The following IQCE variants were observed in gnomAD, a reference collection of about 807,000 sequenced individuals.
The protein encoded by IQCE is IQ motif containing E.
In IQCE, 115 loss-of-function variants were observed where a neutral mutation model predicts 96.0. The ratio of observed to expected loss-of-function variants is 1.20; its 90% confidence interval spans 1.03 to 1.40. IQCE has a LOEUF of 1.40. Ranked by LOEUF, IQCE falls within the 40% of genes most tolerant of loss-of-function variation. IQCE has a pLI of 0.00. For synonymous variants in IQCE, 412 were observed against 371.2 expected (o/e 1.11, Z -1.26); for missense variants, 1,041 against 909.1 (o/e 1.15, Z -1.87).
intron 18 of IQCE, among the ~76,000 whole-genome samples, chr7:2,602,197 G>A (rs1784480931): frequency 6.6e-6 from 1 of 152,210 alleles, no homozygotes; most frequent in African/African-American, 2.4e-5. Context: ...TCACTGGACC[G>A]GGAAGTGAGG....
At chr7:2,575,022 C>A (rs1171300984) in intron 6 of IQCE, among the ~76,000 whole-genome samples, 1 of 152,238 alleles carries the variant, frequency 6.6e-6, no homozygotes, top group Non-Finnish European at 1.5e-5. Context: ...ATCTTTGTGG[C>A]GGCTGCCCTA....
chr7:2,580,323 C>CGA (rs1333515704), intron 8 of IQCE: 1 of 151,410 alleles, frequency 6.6e-6, no homozygotes, highest in Non-Finnish European at 1.5e-5. Context: ...TTAAAAGTGT[C>CGA]TATCTGCCGG....
rs1463533240 is a variant in IQCE at position 2,612,354 on chromosome 7, G to C, written c.*2192G>C. ...CCAGTGCTGGTCACCAGTCCCCTTTGCTGGGTACAGCCTGCCTGGCTGTTC... is the reference window on the plus strand; with the variant it reads ...CCAGTGCTGGTCACCAGTCCCCTTTCCTGGGTACAGCCTGCCTGGCTGTTC... On this transcript the variant is annotated 3_prime_UTR_variant, in exon 22 of 22. Coordinates refer to ENST00000402050, the MANE Select transcript of IQCE (RefSeq NM_152558.5). 2.0e-5 allele frequency: 3 copies of C among 152,388 alleles called. No individual in the cohort carries two copies. Among genetic ancestry groups the C allele is most frequent in the Non-Finnish European group, 2.9e-5 (2 of 68,154 alleles). 9.4% of individuals were successfully genotyped at this position (152,388 alleles called of 1,614,324 possible). A position where few individuals can be genotyped will look rare whatever the true frequency, so the allele number is the denominator to read the frequency against.
chr7:2,571,341 T>C, intron 3 of IQCE, 185 bp from the exon 4 acceptor site: 1 of 681,848 alleles, frequency 1.5e-6, no homozygotes, highest in Non-Finnish European at 2.5e-6. Context: ...TTCTTTATAA[T>C]AAAAGTTAAA....
At chr7:2,563,948 G>A (rs374109459) in intron 1 of IQCE, among the ~76,000 whole-genome samples, 14 of 147,082 alleles carry the variant, frequency 9.5e-5, no homozygotes, top group African/African-American at 3.3e-4. Context: ...AGTGGTTCAC[G>A]CCTGTAATCC....
chr7:2,602,834 G>C (rs1282129068), intron 18 of IQCE, among the ~76,000 whole-genome samples: 1 of 152,216 alleles, frequency 6.6e-6, no homozygotes, highest in Non-Finnish European at 1.5e-5. Flanking sequence ...GGGTGTGGGC[G>C]GCACACCAGG....
chr7:2,597,117 A>G (rs1228015111), intron 16 of IQCE: 1 of 470,414 alleles, frequency 2.1e-6, no homozygotes, highest in Non-Finnish European at 4.4e-6. Context: ...CTTTATCATG[A>G]GAAGGAGAGG....
chr7:2,571,612 TC>T lies in IQCE; in HGVS notation c.220del (p.Leu74Ter). 1 of 1,601,450 alleles carries T rather than the reference TC, an allele frequency of 6.2e-7. No individual in the cohort carries two copies. Reference sequence around the variant, plus strand: ...GAGCATGCCTCTGGGCGGCCGAGCGTCCCTGACCCCGCAGAAGCTGTGGCTG... The same window carrying T: ...GAGCATGCCTCTGGGCGGCCGAGCGTCCTGACCCCGCAGAAGCTGTGGCTG... ...AGSMPLGGRA[S>X]LTPQKLWLGT... is the part of the protein sequence containing the mutation. On this transcript the variant is annotated frameshift_variant, in exon 4 of 22. Coordinates refer to ENST00000402050, the MANE Select transcript of IQCE (RefSeq NM_152558.5). LOFTEE classifies it high-confidence loss of function.
chr7:2,609,398 G>A (rs540402308), intron 21 of IQCE, among the ~76,000 whole-genome samples: 159 of 149,694 alleles, frequency 1.1e-3, no homozygotes, highest in African/African-American at 3.7e-3. Flanking sequence ...CTCCCACCTC[G>A]GCCTCCAGAG....
chr7:2,597,303 T>C (rs1562669700), intron 16 of IQCE, among the ~76,000 whole-genome samples: 1 of 152,250 alleles, frequency 6.6e-6, no homozygotes. Flanking sequence ...ATTCTGAGTA[T>C]GGGCACCAGA....
intron 9 of IQCE, among the ~76,000 whole-genome samples, chr7:2,583,182 A>G (rs1325761231): frequency 6.6e-6 from 1 of 152,190 alleles, no homozygotes; most frequent in Non-Finnish European, 1.5e-5. Context: ...TCGTTTCTCT[A>G]TCGATGTGTC....
intron 1 of IQCE, among the ~76,000 whole-genome samples, chr7:2,564,144 G>A (rs1477136853): frequency 2.6e-5 from 4 of 151,976 alleles, no homozygotes; most frequent in South Asian, 4.1e-4. Context: ...GCTGGGAGGC[G>A]GAGGTTGTGG....
chr7:2,606,628 G>A (rs1025046008), intron 20 of IQCE, among the ~76,000 whole-genome samples: 24 of 151,606 alleles, frequency 1.6e-4, no homozygotes, highest in Non-Finnish European at 1.3e-4. Context: ...GGAGCCGCGC[G>A]GCCACCCAGC....
At chr7:2,580,636 T>C (rs572800241) in intron 8 of IQCE, among the ~76,000 whole-genome samples, 12 of 151,346 alleles carry the variant, frequency 7.9e-5, no homozygotes, top group African/African-American at 2.2e-4. Flanking sequence ...TGTCTATCAA[T>C]AGAGGCTGGA....
At position 2,610,648 on chromosome 7, in the gene IQCE, C is replaced by G. The variant is rs200867613; in HGVS notation, c.*486C>G. On this transcript the variant is annotated 3_prime_UTR_variant, in exon 22 of 22. Transcript: ENST00000402050. ...GCTGTGCCTTAGGAAGGTGTGAGAC[C>G]GGCTTCCCCCATCCCCACAGCAAAA... The G allele has an allele frequency of 6.2e-6, 1 of 160,484 alleles. No individual in the cohort carries two copies. The highest frequency in any genetic ancestry group is 1.4e-5 in the Non-Finnish European group (1 of 73,056). The allele number at this position is 160,484 out of a possible 1,614,324, so 9.9% of individuals were successfully genotyped here. A position where few individuals can be genotyped will look rare whatever the true frequency, so the allele number is the denominator to read the frequency against.
chr7:2,575,801 G>A (rs1289896119), intron 6 of IQCE, among the ~76,000 whole-genome samples: 1 of 152,088 alleles, frequency 6.6e-6, no homozygotes, highest in Non-Finnish European at 1.5e-5. Context: ...CTCAGATGAG[G>A]CAGAAAGAAA....
At chr7:2,576,512 G>T (rs1447775300) in intron 6 of IQCE, among the ~76,000 whole-genome samples, 1 of 151,752 alleles carries the variant, frequency 6.6e-6, no homozygotes, top group East Asian at 2.0e-4. Flanking sequence ...CCAGGTTCAA[G>T]CCTCAGCCTC....
chr7:2,577,915 C>T (rs1291196594), intron 6 of IQCE, among the ~76,000 whole-genome samples: 2 of 113,150 alleles, frequency 1.8e-5, no homozygotes, highest in African/African-American at 3.5e-5. Context: ...CGTGGCTGTG[C>T]GCGCGGGGAC....
At chr7:2,599,475 C>T (rs1009879382) in intron 17 of IQCE, among the ~76,000 whole-genome samples, 9 of 152,160 alleles carry the variant, frequency 5.9e-5, no homozygotes, top group African/African-American at 2.2e-4. Context: ...GGATTACAGG[C>T]ATGAGCTACC....
Sources: allele counts gnomAD v4.1 joint callset (sites outside exome capture counted in the v4.1 genomes callset), GRCh38; gene constraint gnomAD v4.1.1; transcripts MANE v1.5; gene names NCBI Gene and HGNC (gene_info 2026-07-23, HGNC 2026-07-21).